Variants in CELF2 observed in about 807,000 individuals in gnomAD.
CELF2 encodes the protein CUG triplet repeat RNA-binding protein 2.
Under a neutral mutation model 62.6 loss-of-function variants are expected in CELF2, and 8 were observed. That is an observed-to-expected ratio of 0.13 (90% CI 0.07 to 0.23). The LOEUF is 0.23. CELF2 is among the 10% of genes least tolerant of loss of function. CELF2 has a pLI of 1.00. For missense variants in CELF2, 333 were observed against 671.0 expected, an observed-to-expected ratio of 0.50 and a Z score of 5.56; for synonymous variants, 258 against 250.0, an observed-to-expected ratio of 1.03 and a Z score of -0.30.
At chr10:10,850,230 A>G (rs1354680746) in intron 1 of CELF2, among the ~76,000 whole-genome samples, 1 of 152,248 alleles carries the variant, frequency 6.6e-6, no homozygotes, top group Non-Finnish European at 1.5e-5. Context: ...AATAATCTCC[A>G]GAAAGGCTAG....
chr10:11,045,541 C>G (rs1359950007), intron 1 of CELF2, among the ~76,000 whole-genome samples: 1 of 152,178 alleles, frequency 6.6e-6, no homozygotes, highest in Non-Finnish European at 1.5e-5. Flanking sequence ...TATAAAGTAC[C>G]TGGCACCTAA....
rs1171783780 is a variant in CELF2 at position 11,156,472 on chromosome 10, C to G, written c.75-9014C>G. Reference sequence around the variant, plus strand: ...CCCTCTTATTTAATACCCTGCAACGCCCTCCCCTGCATGCTTTATTTGTCT... The same window carrying G: ...CCCTCTTATTTAATACCCTGCAACGGCCTCCCCTGCATGCTTTATTTGTCT... On this transcript the variant is annotated intron_variant, in intron 1 of 12. Transcript: ENST00000633077. This position sits in a 1 kb window ranked among gnomAD's most constrained non-coding sequence, Gnocchi z 4.3. Among the ~76,000 whole-genome samples, 1 of 151,944 alleles carries G rather than the reference C, an allele frequency of 6.6e-6. No homozygotes were observed. The highest frequency in any genetic ancestry group is 1.9e-4 in the East Asian group (1 of 5,190).
chr10:10,715,923 C>T, the CELF2 span, among the ~76,000 whole-genome samples: 1 of 152,202 alleles, frequency 6.6e-6, no homozygotes. Context: ...TCTGCATATG[C>T]CCTCATTTGG....
the CELF2 span, among the ~76,000 whole-genome samples, chr10:10,491,466 T>G: frequency 1.3e-5 from 2 of 152,166 alleles, no homozygotes; most frequent in Non-Finnish European, 2.9e-5. Flanking sequence ...TTCTAATTGT[T>G]CTTACAAACA....
chr10:11,060,761 G>A (rs1157939860), intron 1 of CELF2, among the ~76,000 whole-genome samples: 1 of 152,056 alleles, frequency 6.6e-6, no homozygotes, highest in Non-Finnish European at 1.5e-5. Context: ...TTCACACTTT[G>A]GTAATTTTCA....
chr10:11,270,095 C>G lies in CELF2; in HGVS notation c.619-571C>G, dbSNP rs1315730124. 6.6e-6 allele frequency among the ~76,000 whole-genome samples: 1 copy of G among 152,148 alleles called. No homozygotes were observed. Among genetic ancestry groups the G allele is most frequent in the African/African-American group, 2.4e-5 (1 of 41,416 alleles). ...CCTGTGTTCTCTGAATATCTTCTGC[C>G]CTCATCCTCAAAACTAAAATGAAGC... On this transcript the variant is annotated intron_variant, in intron 6 of 12. Transcript: ENST00000633077. This position sits in a 1 kb window ranked among gnomAD's most constrained non-coding sequence, Gnocchi z 5.8.
At chr10:11,209,876 C>T (rs2061383560) in intron 2 of CELF2, among the ~76,000 whole-genome samples, 1 of 152,084 alleles carries the variant, frequency 6.6e-6, no homozygotes, top group South Asian at 2.1e-4. Flanking sequence ...AGGAGTGTGT[C>T]CTCTTTTGAC....
At chr10:10,533,812 G>T in the CELF2 span, among the ~76,000 whole-genome samples, 1 of 152,220 alleles carries the variant, frequency 6.6e-6, no homozygotes, top group Non-Finnish European at 1.5e-5. Flanking sequence ...TTGACGGCAA[G>T]TAGTAGAGAA....
At chr10:10,659,558 G>C in the CELF2 span, among the ~76,000 whole-genome samples, 5 of 152,094 alleles carry the variant, frequency 3.3e-5, no homozygotes, top group Non-Finnish European at 7.4e-5. Flanking sequence ...CTTGGGCATT[G>C]GTGAATTTTC....
At chr10:11,304,343 C>T (rs1043271248) in intron 9 of CELF2, among the ~76,000 whole-genome samples, 1 of 152,230 alleles carries the variant, frequency 6.6e-6, no homozygotes, top group Non-Finnish European at 1.5e-5. Context: ...CCCAGACCAT[C>T]CACAATAACC....
At chr10:11,138,691 C>G (rs2060824293) in intron 1 of CELF2, among the ~76,000 whole-genome samples, 1 of 152,160 alleles carries the variant, frequency 6.6e-6, no homozygotes, top group Non-Finnish European at 1.5e-5. Flanking sequence ...TATTTCAAAT[C>G]TTGTTTTCTT....
rs182311296 is a variant in CELF2 at position 11,166,719 on chromosome 10, A to C, written c.271+1037A>C. ...TTCTCCTAAGACCTCTGAAAGCATCACTTGGCTTGTGTATACACTTCGGTT... is the reference window on the plus strand; with the variant it reads ...TTCTCCTAAGACCTCTGAAAGCATCCCTTGGCTTGTGTATACACTTCGGTT... On this transcript the variant is annotated intron_variant, in intron 2 of 12. Transcript: ENST00000633077. Among the ~76,000 whole-genome samples the C allele has an allele frequency of 7.2e-5, 11 of 152,248 alleles. No individual in the cohort carries two copies. In the East Asian group the frequency reaches 1.7e-3, roughly 24 times the overall value.
intron 1 of CELF2, among the ~76,000 whole-genome samples, chr10:10,828,633 G>T (rs964854884): frequency 2.6e-5 from 4 of 152,098 alleles, no homozygotes; most frequent in African/African-American, 9.7e-5. Context: ...CACTTCAAAT[G>T]GTTTCAATGG....
the CELF2 span, among the ~76,000 whole-genome samples, chr10:10,489,964 CAG>C: frequency 6.6e-6 from 1 of 152,080 alleles, no homozygotes; most frequent in East Asian, 1.9e-4. Context: ...GTGTAACTTA[CAG>C]AGATTCAGAT....
chr10:10,834,507 G>A (rs150545678), intron 1 of CELF2, among the ~76,000 whole-genome samples: 2 of 151,908 alleles, frequency 1.3e-5, no homozygotes. Context: ...CAGGACAGGC[G>A]ACAGCCCAGA....
chr10:10,559,712 C>A, the CELF2 span, among the ~76,000 whole-genome samples: 1 of 152,094 alleles, frequency 6.6e-6, no homozygotes, highest in Admixed American at 6.5e-5. Context: ...ATTTAAATGG[C>A]CTATCTGAGA....
intron 2 of CELF2, among the ~76,000 whole-genome samples, chr10:10,933,982 T>C (rs1424817365): frequency 6.6e-6 from 1 of 152,238 alleles, no homozygotes; most frequent in Non-Finnish European, 1.5e-5. Flanking sequence ...CTACATCATA[T>C]GGCAGTTCTA....
At chr10:11,095,735 A>G (rs1332093709) in intron 1 of CELF2, among the ~76,000 whole-genome samples, 1 of 152,182 alleles carries the variant, frequency 6.6e-6, no homozygotes, top group Non-Finnish European at 1.5e-5. Context: ...AGTGCTCCCC[A>G]CTAGGAGAAG....
chr10:10,734,010 T>C, the CELF2 span, among the ~76,000 whole-genome samples: 1 of 152,174 alleles, frequency 6.6e-6, no homozygotes, highest in Admixed American at 6.5e-5. Context: ...TTATAAAACC[T>C]CAATAATCCT....
Sources: allele counts gnomAD v4.1 joint callset (sites outside exome capture counted in the v4.1 genomes callset), GRCh38; gene constraint gnomAD v4.1.1; non-coding constraint Gnocchi (gnomAD v3.1); transcripts MANE v1.5; gene names NCBI Gene and HGNC (gene_info 2026-07-23, HGNC 2026-07-21).